Variants in PTPRB observed in about 807,000 individuals in gnomAD.
PTPRB encodes the protein protein tyrosine phosphatase receptor type B.
A neutral mutation model predicts 238.1 loss-of-function variants in PTPRB; 97 were observed. The ratio of observed to expected loss-of-function variants is 0.41; its 90% CI spans 0.35 to 0.48. PTPRB has a LOEUF of 0.48. PTPRB is among the 20% of genes least tolerant of loss of function. PTPRB has a pLI of 0.30. For synonymous variants in PTPRB, 970 were observed against 995.4 expected, an observed-to-expected ratio of 0.97 and a Z score of 0.48; for missense variants, 2,292 against 2,681.9, an observed-to-expected ratio of 0.85 and a Z score of 3.21.
intron 4 of PTPRB, 135 bp downstream of exon 4, chr12:70,608,934 C>T: frequency 8.0e-7 from 1 of 1,253,658 alleles, no homozygotes; most frequent in Non-Finnish European, 1.1e-6. Context: ...CCAGACATTT[C>T]TGTCAATATT....
Position 70,566,689 on chromosome 12 carries a change from T to A in PTPRB, c.3650A>T (p.Gln1217Leu). The A allele has an allele frequency of 6.2e-7, 1 of 1,613,296 alleles. No homozygotes were observed. Among genetic ancestry groups the A allele is most frequent in the Non-Finnish European group, 8.5e-7 (1 of 1,179,410 alleles). ...GTATGCATTGTCTGCAATTACTCCT[T>A]GGACAGATGCTGGAACTGCAGAGAG... The part of the protein sequence containing the change: ...VVGRTVPASV[Q>L]GVIADNAYSS... The change falls in exon 15 of 34, where the codon CAA (glutamine) becomes CTA (leucine). Residue 1217 changes from glutamine (Q) to leucine (L), a missense_variant. By Grantham distance (113) the Gln-to-Leu change is moderately radical (BLOSUM62 -2). This residue lies in a region of PTPRB where 683 missense variants were observed against 862.0 expected (regional missense o/e 0.79). Coordinates refer to ENST00000334414, the MANE Select transcript of PTPRB (RefSeq NM_001109754.4).
At position 70,556,066 on chromosome 12, in the gene PTPRB, G is replaced by C. The variant is rs1381900179; in HGVS notation, c.4797C>G (p.Asp1599Glu). Residue 1599 changes from aspartate to glutamate, a missense_variant, in exon 19 of 34, where the codon GAC becomes GAG. By Grantham distance (45) the Asp-to-Glu change is conservative. This residue lies in a region of PTPRB where 683 missense variants were observed against 862.0 expected (regional missense o/e 0.79). Transcript: ENST00000334414. ...GGCATTCAATACTATAACCATCAAA[G>C]TCAGAATCAGGAGGGATCCAAGAAC... is the stretch of plus-strand genomic sequence containing the variant. ...IACSWIPPDS[D>E]FDGYSIECRK... 6.2e-7 allele frequency: 1 copy of C among 1,613,716 alleles called. No homozygotes were observed. Among genetic ancestry groups the C allele is most frequent in the Non-Finnish European group, 8.5e-7 (1 of 1,179,796 alleles).
At chr12:70,593,551 A>G (rs1882706574) in intron 6 of PTPRB, among the ~76,000 whole-genome samples, 5 of 150,924 alleles carry the variant, frequency 3.3e-5, no homozygotes, top group Admixed American at 3.3e-4. Flanking sequence ...GAATGGGCAC[A>G]GCACTCTGAT....
intron 33 of PTPRB, among the ~76,000 whole-genome samples, 200 bp downstream of exon 33, chr12:70,524,271 C>G (rs949578023): frequency 6.8e-6 from 1 of 147,198 alleles, no homozygotes; most frequent in South Asian, 2.3e-4. Flanking sequence ...TGATGTCTGG[C>G]TATTTTTTTT....
intron 15 of PTPRB, among the ~76,000 whole-genome samples, chr12:70,565,872 G>T (rs866645345): frequency 6.6e-6 from 1 of 152,116 alleles, no homozygotes; most frequent in East Asian, 1.9e-4. Context: ...ATCCTGGATT[G>T]TCCGGTTGGT....
At chr12:70,546,950 TG>T (rs1225778595) in intron 21 of PTPRB, among the ~76,000 whole-genome samples, 2 of 152,218 alleles carry the variant, frequency 1.3e-5, no homozygotes, top group East Asian at 3.9e-4. Flanking sequence ...GCTTGGTTTA[TG>T]TGGGAAAACT....
intron 11 of PTPRB, among the ~76,000 whole-genome samples, chr12:70,574,143 T>C (rs1880429264): frequency 6.6e-6 from 1 of 152,132 alleles, no homozygotes; most frequent in Admixed American, 6.5e-5. Context: ...CTGTATTTGG[T>C]ATATATTAGG....
chr12:70,544,087 G>A (rs916161891), intron 22 of PTPRB, among the ~76,000 whole-genome samples: 1 of 152,092 alleles, frequency 6.6e-6, no homozygotes, highest in Non-Finnish European at 1.5e-5. Flanking sequence ...GTACTACAAA[G>A]TCAACACATA....
intron 18 of PTPRB, among the ~76,000 whole-genome samples, chr12:70,558,167 T>C (rs3782373): frequency 0.45 from 68,643 of 151,970 alleles, 16,614 homozygotes; most frequent in African/African-American, 0.62. Flanking sequence ...TGTTTAGAGT[T>C]CTGCCCTGGG....
At chr12:70,542,393 C>T (rs1219536721) in intron 22 of PTPRB, 1 of 152,036 alleles carries the variant, frequency 6.6e-6, no homozygotes, top group Non-Finnish European at 1.5e-5. Flanking sequence ...GCCTGGCCAA[C>T]ATGGTGAAAC....
intron 32 of PTPRB, among the ~76,000 whole-genome samples, chr12:70,531,563 CCTT>C (rs977821990): frequency 3.0e-4 from 46 of 152,200 alleles, no homozygotes; most frequent in African/African-American, 1.1e-3. Flanking sequence ...AGCTTTTGGA[CCTT>C]CATTTTCTAG....
Position 70,560,521 on chromosome 12 carries a change from C to T in PTPRB, c.4432+150G>A. 3.1e-6 allele frequency: 3 copies of T among 974,184 alleles called. No homozygotes were observed. The highest frequency in any genetic ancestry group is 4.5e-6 in the Non-Finnish European group (3 of 672,518). The allele number at this position is 974,184 out of a possible 1,614,324, so 60.3% of individuals were successfully genotyped here. On this transcript the variant is annotated intron_variant, in intron 17 of 33. Coordinates refer to ENST00000334414, the MANE Select transcript of PTPRB (RefSeq NM_001109754.4). This position sits in a 1 kb window ranked among gnomAD's most constrained non-coding sequence, Gnocchi z 4.2. ...TTTGGACCAAAGCCTTGTCCTTTAT[C>T]TGTTGTCCCACAGTCCCTTCCCAAA...
At chr12:70,572,979 A>G (rs1209720809) in intron 11 of PTPRB, among the ~76,000 whole-genome samples, 1 of 152,004 alleles carries the variant, frequency 6.6e-6, no homozygotes, top group Admixed American at 6.6e-5. Flanking sequence ...AGAAGAATAT[A>G]TACAGGAGAC....
intron 20 of PTPRB, among the ~76,000 whole-genome samples, chr12:70,554,203 G>A (rs560950108): frequency 6.6e-6 from 1 of 152,280 alleles, no homozygotes; most frequent in Admixed American, 6.5e-5. Flanking sequence ...TAGATACTGT[G>A]AGCCTAAAAT....
chr12:70,606,148 C>A (rs1883925686), intron 4 of PTPRB, among the ~76,000 whole-genome samples: 1 of 152,180 alleles, frequency 6.6e-6, no homozygotes, highest in East Asian at 1.9e-4. Context: ...TCTGTTGCCA[C>A]TTTCATCATA....
chr12:70,599,522 T>G (rs1182822700), intron 4 of PTPRB, among the ~76,000 whole-genome samples: 1 of 152,196 alleles, frequency 6.6e-6, no homozygotes, highest in Middle Eastern at 3.2e-3. Context: ...TAGTCTTGAT[T>G]AATATATCAA....
intron 19 of PTPRB, 125 bp from the exon 20 acceptor site, chr12:70,555,434 CT>C (rs1474633543): frequency 1.1e-6 from 1 of 935,024 alleles, no homozygotes; most frequent in East Asian, 2.7e-5. Flanking sequence ...GAGCGTGTGC[CT>C]GTGTTTAATG....
chr12:70,538,007 AT>A (rs3214594), intron 28 of PTPRB, 147 bp downstream of exon 28: 43 of 584,116 alleles, frequency 7.4e-5, no homozygotes, highest in African/African-American at 2.3e-4. Flanking sequence ...TGGATACCCC[AT>A]TTTTTTTATG....
chr12:70,576,959 C>T (rs1880849540), intron 10 of PTPRB, among the ~76,000 whole-genome samples: 1 of 152,030 alleles, frequency 6.6e-6, no homozygotes, highest in Non-Finnish European at 1.5e-5. Context: ...GTGGAGACAT[C>T]CTTATACAAT....
Sources: allele counts gnomAD v4.1 joint callset (sites outside exome capture counted in the v4.1 genomes callset), GRCh38; gene constraint gnomAD v4.1.1; regional missense constraint gnomAD v4.1.1; non-coding constraint Gnocchi (gnomAD v3.1); transcripts MANE v1.5; gene names NCBI Gene and HGNC (gene_info 2026-07-23, HGNC 2026-07-21).